The following PALLD variants were observed in gnomAD, a reference collection of about 807,000 sequenced individuals.
PALLD encodes palladin.
A neutral mutation model predicts 123.5 loss-of-function variants in PALLD; 61 were observed. The observed-to-expected ratio is 0.49, with a 90% CI of 0.40 to 0.61. PALLD has a LOEUF of 0.61. PALLD is among the 20% of genes least tolerant of loss of function. The pLI is 0.00. For missense variants in PALLD, 1,273 were observed against 1,377.0 expected (o/e 0.92, Z 1.20); for synonymous variants, 465 against 496.4 (o/e 0.94, Z 0.84).
chr4:168,787,808 A>G (rs947929202), intron 10 of PALLD, among the ~76,000 whole-genome samples: 2 of 152,236 alleles, frequency 1.3e-5, no homozygotes, highest in South Asian at 2.1e-4. Context: ...TCTCGAAGCA[A>G]TAAGCTTTTC....
In PALLD at chr4:168,897,965, A is replaced by AT. The variant is rs146746895; in HGVS notation, c.2251-517dup. The AT allele has an allele frequency of 5.4e-3, 795 of 146,950 alleles. 7 individuals are homozygous for AT. The highest frequency in any genetic ancestry group is 0.015 in the Admixed American group (215 of 14,752). 9.1% of individuals were successfully genotyped at this position (146,950 alleles called of 1,614,324 possible). A position where few individuals can be genotyped will look rare whatever the true frequency, so the allele number is the denominator to read the frequency against. On this transcript the variant is annotated intron_variant, in intron 13 of 21. Coordinates refer to ENST00000505667, the MANE Select transcript of PALLD (RefSeq NM_001166108.2). ...TAGAGGTGGGGGAAAAAAAACAAAC[A>AT]TTTTTTTTTTTCTATTATTCTTTTA...
chr4:168,864,234 TA>T (rs1749930245), intron 10 of PALLD: 1 of 152,234 alleles, frequency 6.6e-6, no homozygotes, highest in Non-Finnish European at 1.5e-5. Context: ...AGGGAAAAAG[TA>T]ACCCTTGTTG....
intron 1 of PALLD, among the ~76,000 whole-genome samples, chr4:168,500,364 CTTGT>C (rs907331899): frequency 7.1e-6 from 1 of 141,450 alleles, no homozygotes; most frequent in Non-Finnish European, 1.5e-5. Context: ...TCCCATAAGT[CTTGT>C]TTGTTTGTTT....
At chr4:168,788,669 G>A (rs1179500904) in intron 10 of PALLD, among the ~76,000 whole-genome samples, 6 of 152,122 alleles carry the variant, frequency 3.9e-5, no homozygotes, top group Non-Finnish European at 1.5e-5. Context: ...TCTAGCCAGC[G>A]TACCACTCTG....
intron 2 of PALLD, among the ~76,000 whole-genome samples, chr4:168,555,693 T>A (rs1187508206): frequency 1.3e-5 from 2 of 152,224 alleles, no homozygotes; most frequent in Non-Finnish European, 2.9e-5. Context: ...GCTGTTCCAT[T>A]TCAGAATAGA....
chr4:168,592,315 C>T lies in PALLD; in HGVS notation c.909-75875C>T, dbSNP rs141875140. ...CTGGGATTCCAGGTGTGAGCCACCACGCCCAGCCTATTATGGATTTTTATG... is the reference window on the plus strand; with the variant it reads ...CTGGGATTCCAGGTGTGAGCCACCATGCCCAGCCTATTATGGATTTTTATG... On this transcript the variant is annotated intron_variant, in intron 2 of 21. Coordinates refer to ENST00000505667, the MANE Select transcript of PALLD (RefSeq NM_001166108.2). Among the ~76,000 whole-genome samples, 495 of 152,172 alleles carry T rather than the reference C, an allele frequency of 3.3e-3. 22 individuals are homozygous for T. In the South Asian group the frequency reaches 0.084, roughly 26 times the overall value.
At chr4:168,567,862 A>G (rs967071228) in intron 2 of PALLD, among the ~76,000 whole-genome samples, 1 of 152,044 alleles carries the variant, frequency 6.6e-6, no homozygotes. Flanking sequence ...TATTTGGGTG[A>G]TGGGTATACT....
chr4:168,622,757 G>A (rs962185656), intron 2 of PALLD, among the ~76,000 whole-genome samples: 2 of 152,058 alleles, frequency 1.3e-5, no homozygotes, highest in Non-Finnish European at 2.9e-5. Flanking sequence ...TCATACTTCC[G>A]GTGCCTAAGT....
In PALLD at chr4:168,853,380, G is replaced by A. The variant is rs118087429; in HGVS notation, c.1965-37542G>A. Among the ~76,000 whole-genome samples the A allele has an allele frequency of 5.5e-3, 842 of 152,166 alleles. 11 individuals are homozygous for A. The highest frequency in any genetic ancestry group is 0.012 in the East Asian group (62 of 5,186). ...CTGTCAGCATCCTCCCTCCCAGCTCGCATTTTACCAAAGCTAGAAAAGACC... is the reference window on the plus strand; with the variant it reads ...CTGTCAGCATCCTCCCTCCCAGCTCACATTTTACCAAAGCTAGAAAAGACC... On this transcript the variant is annotated intron_variant, in intron 10 of 21. Transcript: ENST00000505667.
intron 15 of PALLD, 60 bp from the exon 16 acceptor site, chr4:168,913,867 T>C (rs1759564586): frequency 3.7e-6 from 4 of 1,074,000 alleles, no homozygotes; most frequent in Non-Finnish European, 5.8e-6. Context: ...GTAGGCATGA[T>C]AGTGCTTAGT....
chr4:168,841,767 A>G (rs898368725), intron 10 of PALLD, among the ~76,000 whole-genome samples: 11 of 152,226 alleles, frequency 7.2e-5, no homozygotes, highest in African/African-American at 2.4e-4. Context: ...TACAAATCTG[A>G]AAATGAAAGA....
intron 3 of PALLD, among the ~76,000 whole-genome samples, chr4:168,670,193 A>G (rs1460747877): frequency 6.6e-6 from 1 of 152,226 alleles, no homozygotes; most frequent in African/African-American, 2.4e-5. Context: ...GCACTTTTAA[A>G]TGAAATTCTT....
chr4:168,673,014 G>C (rs980063690), intron 3 of PALLD, among the ~76,000 whole-genome samples: 1 of 152,166 alleles, frequency 6.6e-6, no homozygotes, highest in African/African-American at 2.4e-5. Context: ...GGCAGCTACA[G>C]TTCCTTGCCT....
chr4:168,800,865 T>G (rs1436518495), intron 10 of PALLD, among the ~76,000 whole-genome samples: 3 of 152,170 alleles, frequency 2.0e-5, no homozygotes, highest in Non-Finnish European at 4.4e-5. Flanking sequence ...ATTCCAGAAG[T>G]CCATCAACAG....
chr4:168,787,684 T>C (rs1476104562), intron 10 of PALLD, among the ~76,000 whole-genome samples: 1 of 152,244 alleles, frequency 6.6e-6, no homozygotes, highest in Non-Finnish European at 1.5e-5. Flanking sequence ...AGAACACTTG[T>C]GTATAAAAAG....
intron 10 of PALLD, among the ~76,000 whole-genome samples, chr4:168,823,089 G>T (rs1327253306): frequency 6.6e-6 from 1 of 152,022 alleles, no homozygotes; most frequent in Non-Finnish European, 1.5e-5. Context: ...AACGATGAAT[G>T]TAACCCAGGC....
At chr4:168,591,155 AG>A (rs1771386056) in intron 2 of PALLD, among the ~76,000 whole-genome samples, 1 of 152,130 alleles carries the variant, frequency 6.6e-6, no homozygotes, top group South Asian at 2.1e-4. Flanking sequence ...CTGGGATTAC[AG>A]GCGTGAGCCA....
In PALLD at chr4:168,600,030, C is replaced by CATACATGTGTGTACACACATAT. The variant is rs1554048292; in HGVS notation, c.909-68154_909-68153insGTGTGTACACACATATATACAT. On this transcript the variant is annotated intron_variant, in intron 2 of 21. Transcript: ENST00000505667. Reference sequence around the variant, plus strand: ...ATATACATACATGTGTGTACACACACATACATACATGTGTATACACACATA... The same window carrying CATACATGTGTGTACACACATAT: ...ATATACATACATGTGTGTACACACACATACATGTGTGTACACACATATATACATACATGTGTATACACACATA... Among the ~76,000 whole-genome samples, 993 of 144,814 alleles carry CATACATGTGTGTACACACATAT rather than the reference C, an allele frequency of 6.9e-3. 16 individuals are homozygous for CATACATGTGTGTACACACATAT. Among genetic ancestry groups the CATACATGTGTGTACACACATAT allele is most frequent in the African/African-American group, 0.024 (906 of 37,646 alleles).
At chr4:168,784,133 A>T (rs182232832) in intron 10 of PALLD, among the ~76,000 whole-genome samples, 141 of 152,312 alleles carry the variant, frequency 9.3e-4, no homozygotes, top group Admixed American at 2.8e-3. Flanking sequence ...GAGCTTAGGG[A>T]AAGGAGGAAT....
Sources: gnomAD v4.1 joint callset for allele counts (sites outside exome capture counted in the v4.1 genomes callset) on GRCh38, gnomAD v4.1.1 for gene constraint, MANE v1.5 for transcripts, NCBI Gene and HGNC (gene_info 2026-07-23, HGNC 2026-07-21) for gene names.